Variants in SPTBN1 observed in about 807,000 individuals in gnomAD.
SPTBN1 encodes the protein spectrin beta, non-erythrocytic 1, also known as spectrin beta chain, non-erythrocytic 1.
A neutral mutation model predicts 266.4 loss-of-function variants in SPTBN1; 32 were observed. That is an observed-to-expected ratio of 0.12 (90% CI 0.09 to 0.16). SPTBN1 has a LOEUF of 0.16. Ranked by LOEUF, SPTBN1 falls within the 10% of genes least tolerant of loss-of-function variation. SPTBN1 has a pLI of 1.00. For synonymous variants in SPTBN1, 1,336 were observed against 1,162.2 expected, an observed-to-expected ratio of 1.15 and a Z score of -3.04; for missense variants, 2,296 against 3,067.1, an observed-to-expected ratio of 0.75 and a Z score of 5.94.
In SPTBN1 at chr2:54,644,602, A is replaced by G. The variant is rs775840127; in HGVS notation, c.4269+16A>G. ...AAAGCAACAGGCAAGTGGACAAGCCATCATGGACTTGGGTGTATTTCTGTT... is the reference window on the plus strand; with the variant it reads ...AAAGCAACAGGCAAGTGGACAAGCCGTCATGGACTTGGGTGTATTTCTGTT... On this transcript the variant is annotated intron_variant, in intron 20 of 35. Coordinates refer to ENST00000356805, the MANE Select transcript of SPTBN1 (RefSeq NM_003128.3). The G allele has an allele frequency of 5.0e-6, 8 of 1,592,838 alleles. No homozygotes were observed. The highest frequency in any genetic ancestry group is 2.3e-5 in the East Asian group (1 of 44,368).
At chr2:54,643,933 C>G (rs1167018075) in intron 19 of SPTBN1, among the ~76,000 whole-genome samples, 1 of 152,046 alleles carries the variant, frequency 6.6e-6, no homozygotes, top group Admixed American at 6.6e-5. Flanking sequence ...GATCACGCCA[C>G]TGTACTTCAG....
At chr2:54,595,072 G>A (rs1326992448) in intron 2 of SPTBN1, among the ~76,000 whole-genome samples, 1 of 152,060 alleles carries the variant, frequency 6.6e-6, no homozygotes, top group Non-Finnish European at 1.5e-5. Context: ...GACCTCAGGA[G>A]ATCCACCTCT....
At position 54,630,761 on chromosome 2, in the gene SPTBN1, G is replaced by T. The variant is rs944351675; in HGVS notation, c.2808-94G>T. 3 of 1,404,292 alleles carry T rather than the reference G, an allele frequency of 2.1e-6. No individual in the cohort carries two copies. In the South Asian group the frequency reaches 5.0e-5, roughly 23 times the overall value. The allele number at this position is 1,404,292 out of a possible 1,614,324, so 87.0% of individuals were successfully genotyped here. A position where few individuals can be genotyped will look rare whatever the true frequency, so the allele number is the denominator to read the frequency against. On this transcript the variant is annotated intron_variant, in intron 15 of 35. Transcript: ENST00000356805. ...AGTCAAAGCACAGATGGAGAAAACA[G>T]ATAAGCAGCATTAACCCATCACTGT...
intron 2 of SPTBN1, among the ~76,000 whole-genome samples, chr2:54,574,877 C>T (rs781046177): frequency 6.6e-6 from 1 of 152,160 alleles, no homozygotes; most frequent in Non-Finnish European, 1.5e-5. Context: ...AAACCAGGTA[C>T]CTTCATGAAC....
intron 18 of SPTBN1, among the ~76,000 whole-genome samples, chr2:54,641,858 TG>T (rs1249783080): frequency 2.0e-5 from 3 of 152,214 alleles, no homozygotes; most frequent in Non-Finnish European, 4.4e-5. Context: ...GGAAGGGCCT[TG>T]GAAGTGTTAA....
intron 2 of SPTBN1, among the ~76,000 whole-genome samples, chr2:54,594,074 G>A (rs949383309): frequency 2.0e-5 from 3 of 151,900 alleles, no homozygotes; most frequent in African/African-American, 7.3e-5. Flanking sequence ...CTCATGATCC[G>A]CCCACCTCGG....
At position 54,671,104 on chromosome 2, in the gene SPTBN1, T is replaced by C. The variant is rs531639833; in HGVS notation, c.*2535T>C. On this transcript the variant is annotated 3_prime_UTR_variant, in exon 36 of 36. Transcript: ENST00000356805. ...CTCCATAAATCTGAAGAGTAAGAAG[T>C]AGTGAAAATAAGGCTTAGGATATGA... 1.7e-5 allele frequency: 5 copies of C among 287,706 alleles called. No homozygotes were observed. The highest frequency in any genetic ancestry group is 8.6e-5 in the African/African-American group (4 of 46,330). 17.8% of individuals were successfully genotyped at this position (287,706 alleles called of 1,614,324 possible). A position where few individuals can be genotyped will look rare whatever the true frequency, so the allele number is the denominator to read the frequency against.
chr2:54,573,005 G>A (rs923952410), intron 2 of SPTBN1, among the ~76,000 whole-genome samples: 3 of 152,136 alleles, frequency 2.0e-5, no homozygotes, highest in Non-Finnish European at 4.4e-5. Context: ...ATGAGAAGGC[G>A]GGCCCAGACC....
intron 2 of SPTBN1, among the ~76,000 whole-genome samples, chr2:54,592,397 T>TA (rs11436130): frequency 0.15 from 22,555 of 151,636 alleles, 1,782 homozygotes; most frequent in Middle Eastern, 0.2. Context: ...TCTTTTTTTT[T>TA]ATCTGAGACA....
At chr2:54,640,801 C>A (rs1475548789) in intron 18 of SPTBN1, among the ~76,000 whole-genome samples, 1 of 152,262 alleles carries the variant, frequency 6.6e-6, no homozygotes, top group East Asian at 1.9e-4. Flanking sequence ...ACCCACCCGC[C>A]TTGGCCTCCC....
In SPTBN1 at chr2:54,659,989, G is replaced by A; in HGVS notation, c.6410G>A (p.Gly2137Glu). ...CAAAACGGTTTGCCAGCTGAACAGG[G>A]ATCTCCACGGGTTAGTTACCGCTCT... The part of the protein sequence containing the change: ...VSQNGLPAEQ[G>E]SPRMAETVDT... Residue 2137 changes from glycine to glutamate, a missense_variant, in exon 32 of 36, where the codon GGA (glycine) becomes GAA (glutamate). Gly to Glu is a moderately conservative substitution (Grantham distance 98, BLOSUM62 -2). This residue lies in a region of SPTBN1 where 347 missense variants were observed against 368.5 expected (regional missense o/e 0.94). Transcript: ENST00000356805. 1 of 1,614,120 alleles carries A rather than the reference G, an allele frequency of 6.2e-7. No homozygotes were observed. The highest frequency in any genetic ancestry group is 1.6e-4 in the Middle Eastern group (1 of 6,062).
chr2:54,535,492 T>C (rs1573363487), intron 2 of SPTBN1, among the ~76,000 whole-genome samples: 1 of 152,228 alleles, frequency 6.6e-6, no homozygotes, highest in East Asian at 1.9e-4. Context: ...AATTGAATCA[T>C]GTAATCTGTG....
intron 1 of SPTBN1, among the ~76,000 whole-genome samples, chr2:54,470,946 A>G (rs1020676746): frequency 6.6e-6 from 1 of 152,084 alleles, no homozygotes; most frequent in Admixed American, 6.5e-5. Context: ...ACATTATGAG[A>G]TATTTTTTGT....
At chr2:54,639,617 G>C (rs1653592807) in intron 18 of SPTBN1, among the ~76,000 whole-genome samples, 1 of 152,246 alleles carries the variant, frequency 6.6e-6, no homozygotes, top group African/African-American at 2.4e-5. Context: ...TCGTTAAGTA[G>C]ACATGTATGG....
In SPTBN1 at chr2:54,495,765, A is replaced by G. The variant is rs548603042; in HGVS notation, c.-47-30607A>G. 1.0e-4 allele frequency among the ~76,000 whole-genome samples: 15 copies of G among 148,288 alleles called. No homozygotes were observed. The South Asian group carries it at 1.3e-3, about 13-fold the overall frequency. ...TTATTTGATGCATGAGAGTCTACATATTATATGTATGGTGATTTATTTAAC... is the reference window on the plus strand; with the variant it reads ...TTATTTGATGCATGAGAGTCTACATGTTATATGTATGGTGATTTATTTAAC... On this transcript the variant is annotated intron_variant, in intron 1 of 35. Coordinates refer to ENST00000356805, the MANE Select transcript of SPTBN1 (RefSeq NM_003128.3).
intron 2 of SPTBN1, among the ~76,000 whole-genome samples, chr2:54,539,165 G>A (rs550838721): frequency 6.6e-6 from 1 of 152,168 alleles, no homozygotes; most frequent in Non-Finnish European, 1.5e-5. Flanking sequence ...GACAGTGACA[G>A]TGGTAACATT....
intron 2 of SPTBN1, among the ~76,000 whole-genome samples, chr2:54,529,074 A>T (rs1417722654): frequency 6.6e-6 from 1 of 152,236 alleles, no homozygotes; most frequent in Non-Finnish European, 1.5e-5. Flanking sequence ...TCTGGAATAG[A>T]ACAGTGGTTT....
At chr2:54,482,732 C>G (rs1054298665) in intron 1 of SPTBN1, among the ~76,000 whole-genome samples, 2 of 152,190 alleles carry the variant, frequency 1.3e-5, no homozygotes, top group African/African-American at 2.4e-5. Flanking sequence ...ATTTCCATCA[C>G]AGCAGACAGT....
In SPTBN1 at chr2:54,526,560, C is replaced by T; in HGVS notation, c.142C>T (p.Leu48=). 6.2e-7 allele frequency: 1 copy of T among 1,613,494 alleles called. No homozygotes were observed. Among genetic ancestry groups the T allele is most frequent in the African/African-American group, 1.3e-5 (1 of 75,044 alleles). The part of the protein sequence containing the change: ...RLFERSRIKA[L]ADEREAVQKK... ...TTTTGAGCGGTCCCGCATCAAGGCT[C>T]TGGCAGGTGAGTCCTTCACACCTGT... Residue 48 remains leucine, a synonymous_variant, in exon 2 of 36, where the codon CTG becomes TTG. Transcript: ENST00000356805.
Sources: allele counts gnomAD v4.1 joint callset (sites outside exome capture counted in the v4.1 genomes callset), GRCh38; gene constraint gnomAD v4.1.1; regional missense constraint gnomAD v4.1.1; transcripts MANE v1.5; gene names NCBI Gene and HGNC (gene_info 2026-07-23, HGNC 2026-07-21).